Variants in TENM1 observed in about 807,000 individuals in gnomAD.
TENM1 encodes the protein teneurin transmembrane protein 1.
Under a neutral mutation model 174.8 loss-of-function variants are expected in TENM1, and 35 were observed. That is an observed-to-expected ratio of 0.20 (90% CI 0.15 to 0.27). TENM1 has a LOEUF of 0.27. Among genes scored for constraint, TENM1 ranks in the 10% least tolerant of loss-of-function variants. TENM1 has a pLI of 1.00. For missense variants in TENM1, 1,633 were observed against 2,130.1 expected (o/e 0.77, Z 4.59); for synonymous variants, 781 against 798.7 (o/e 0.98, Z 0.37).
intron 17 of TENM1, among the ~76,000 whole-genome samples, chrX:124,521,753 C>T (rs2047854491): frequency 8.9e-6 from 1 of 112,189 alleles, no homozygotes; most frequent in South Asian, 3.7e-4. Context: ...TACCTCAGAA[C>T]CTTGTTCTCT....
rs531968877 is a variant in TENM1 at position 124,851,230 on chromosome X, G to C, written c.535+43066C>G. ...AGACTGAGGTCAAGAGGAAAATCTT[G>C]ACCTTTATAAATCACTCTCTGTATG... On this transcript the variant is annotated intron_variant, in intron 3 of 31. Transcript: ENST00000422452. Among the ~76,000 whole-genome samples the C allele has an allele frequency of 2.7e-5, 3 of 111,391 alleles. No individual in the cohort carries two copies. In the South Asian group the frequency reaches 1.1e-3, roughly 42 times the overall value.
chrX:124,707,853 G>A (rs1039065895), intron 4 of TENM1, among the ~76,000 whole-genome samples: 7 of 111,720 alleles, frequency 6.3e-5, no homozygotes, highest in African/African-American at 2.3e-4. Flanking sequence ...TTTCCAACTT[G>A]TCTTTGAGTT....
intron 3 of TENM1, among the ~76,000 whole-genome samples, chrX:124,782,531 C>T (rs1053749605): frequency 9.0e-6 from 1 of 111,051 alleles, no homozygotes; most frequent in Non-Finnish European, 1.9e-5. Flanking sequence ...TTCATGCCTA[C>T]ATATACACTG....
chrX:124,522,191 TG>T (rs2047865774), intron 17 of TENM1, among the ~76,000 whole-genome samples: 1 of 111,524 alleles, frequency 9.0e-6, no homozygotes, highest in Non-Finnish European at 1.9e-5. Context: ...GGTAGCTCTT[TG>T]GACTGCTTTT....
intron 3 of TENM1, among the ~76,000 whole-genome samples, chrX:124,816,828 T>A (rs1192459656): frequency 1.8e-5 from 2 of 111,297 alleles, no homozygotes; most frequent in African/African-American, 3.3e-5. Flanking sequence ...TTTATTTTTA[T>A]TATTATTTTT....
chrX:125,063,847 A>G, the TENM1 span, among the ~76,000 whole-genome samples: 1 of 111,801 alleles, frequency 8.9e-6, no homozygotes, highest in Non-Finnish European at 1.9e-5. Context: ...GCTGCTATAA[A>G]GACACATGCA....
chrX:124,846,683 T>C (rs767661902), intron 3 of TENM1, among the ~76,000 whole-genome samples: 1 of 111,415 alleles, frequency 9.0e-6, no homozygotes, highest in South Asian at 3.8e-4. Flanking sequence ...TCAAATGCCA[T>C]CTTCTGAGGG....
chrX:124,427,419 T>G (rs995676819), intron 23 of TENM1, among the ~76,000 whole-genome samples: 4 of 112,476 alleles, frequency 3.6e-5, no homozygotes, highest in Non-Finnish European at 7.5e-5. Context: ...ATTTTGTCTG[T>G]TTGTTTTCTT....
intron 11 of TENM1, among the ~76,000 whole-genome samples, chrX:124,603,620 G>C (rs927548860): frequency 9.0e-6 from 1 of 111,630 alleles, no homozygotes; most frequent in Non-Finnish European, 1.9e-5. Flanking sequence ...ACACTAAACT[G>C]CTTTCAGAAG....
intron 11 of TENM1, among the ~76,000 whole-genome samples, chrX:124,583,146 T>A (rs1046590212): frequency 9.0e-6 from 1 of 111,325 alleles, no homozygotes; most frequent in African/African-American, 3.3e-5. Context: ...CTCTGCAGAC[T>A]TAAATGTCCC....
intron 3 of TENM1, among the ~76,000 whole-genome samples, chrX:124,892,026 T>C (rs1025208408): frequency 5.4e-5 from 6 of 111,585 alleles, no homozygotes; most frequent in Admixed American, 9.6e-5. Context: ...AACTCTAGTA[T>C]TAGTCTATGA....
At chrX:124,559,603 G>A (rs1265055016) in intron 14 of TENM1, among the ~76,000 whole-genome samples, 1 of 110,689 alleles carries the variant, frequency 9.0e-6, no homozygotes, top group Admixed American at 9.7e-5. Context: ...CAGAGGCAGA[G>A]GTTGCAGTGA....
chrX:124,997,042 TG>T, the TENM1 span, among the ~76,000 whole-genome samples: 1 of 111,390 alleles, frequency 9.0e-6, no homozygotes, highest in Non-Finnish European at 1.9e-5. Context: ...GGGGAAGGCC[TG>T]GGAGAAGGAA....
chrX:124,751,494 T>C (rs1019656962), intron 3 of TENM1, among the ~76,000 whole-genome samples: 18 of 111,094 alleles, frequency 1.6e-4, no homozygotes, highest in Admixed American at 2.9e-4. Flanking sequence ...TTTCATTTTA[T>C]TTTATTATTA....
At chrX:124,804,748 T>C (rs762568916) in intron 3 of TENM1, among the ~76,000 whole-genome samples, 1 of 111,648 alleles carries the variant, frequency 9.0e-6, no homozygotes, top group African/African-American at 3.3e-5. Context: ...ATTTTACCAA[T>C]AGATATAACA....
At chrX:125,105,937 C>T in the TENM1 span, among the ~76,000 whole-genome samples, 1 of 112,103 alleles carries the variant, frequency 8.9e-6, no homozygotes, top group African/African-American at 3.2e-5. Context: ...ACTGCTTCTC[C>T]ATTTTCAAAT....
At chrX:124,477,360 T>A (rs1487413830) in intron 22 of TENM1, among the ~76,000 whole-genome samples, 1 of 112,441 alleles carries the variant, frequency 8.9e-6, no homozygotes, top group Non-Finnish European at 1.9e-5. Flanking sequence ...GAAACTAGAC[T>A]AAAAGTTATT....
chrX:124,752,715 A>G (rs1015860231), intron 3 of TENM1, among the ~76,000 whole-genome samples: 1 of 111,414 alleles, frequency 9.0e-6, no homozygotes, highest in Non-Finnish European at 1.9e-5. Flanking sequence ...ACATATGGCT[A>G]GCCAGTTTTC....
intron 23 of TENM1, among the ~76,000 whole-genome samples, chrX:124,451,405 A>G (rs979665828): frequency 8.9e-6 from 1 of 112,254 alleles, no homozygotes; most frequent in African/African-American, 3.2e-5. Context: ...ACATGTGAAT[A>G]ACAACATGCT....
Sources: allele counts gnomAD v4.1 joint callset (sites outside exome capture counted in the v4.1 genomes callset), GRCh38; gene constraint gnomAD v4.1.1; transcripts MANE v1.5; gene names NCBI Gene and HGNC (gene_info 2026-07-23, HGNC 2026-07-21).